DDX1: variants seen among roughly 807,000 people sequenced by gnomAD.
DDX1 encodes ATP-dependent RNA helicase DDX1.
Under a neutral mutation model 108.7 loss-of-function variants are expected in DDX1, and 28 were observed. The ratio of observed to expected loss-of-function variants is 0.26; its 90% CI spans 0.19 to 0.35. The LOEUF is 0.35. Ranked by LOEUF, DDX1 falls within the 10% of genes least tolerant of loss-of-function variation. The pLI is 1.00. For missense variants in DDX1, 710 were observed against 884.5 expected (o/e 0.80, Z 2.50); for synonymous variants, 295 against 288.9 (o/e 1.02, Z -0.21).
At position 15,630,866 on chromosome 2, in the gene DDX1, A is replaced by G. The variant is rs576509752; in HGVS notation, c.2183A>G (p.His728Arg). The G allele has an allele frequency of 2.5e-6, 4 of 1,614,162 alleles. No homozygotes were observed. The highest frequency in any genetic ancestry group is 1.3e-5 in the African/African-American group (1 of 75,066). Residue 728 changes from histidine to arginine, a missense_variant, in exon 26 of 26, where the codon CAT (histidine) becomes CGT (arginine). Physicochemically the swap from His to Arg is conservative, Grantham distance 29. Transcript: ENST00000233084. Reference protein sequence around the residue: ...LEKEAQTSFLHLGYLPNQLFR... With the variant: ...LEKEAQTSFLRLGYLPNQLFR... Reference sequence around the variant, plus strand: ...AAGGAGGCGCAGACATCTTTCCTGCATCTTGGCTACCTTCCTAACCAGCTG... The same window carrying G: ...AAGGAGGCGCAGACATCTTTCCTGCGTCTTGGCTACCTTCCTAACCAGCTG...
intron 3 of DDX1, 66 bp from the exon 4 acceptor site, chr2:15,596,668 G>A: frequency 7.7e-7 from 1 of 1,307,052 alleles, no homozygotes; most frequent in Non-Finnish European, 1.1e-6. Context: ...TACATACTAT[G>A]GTGTTAGTTT....
chr2:15,618,882 C>G (rs1339329363), intron 16 of DDX1, among the ~76,000 whole-genome samples: 1 of 152,246 alleles, frequency 6.6e-6, no homozygotes, highest in Non-Finnish European at 1.5e-5. Context: ...ACCCAGCTGG[C>G]CCAAGCTTGA....
At chr2:15,629,926 G>T in intron 24 of DDX1, 64 bp from the exon 25 acceptor site, 9 of 1,449,164 alleles carry the variant, frequency 6.2e-6, no homozygotes, top group South Asian at 1.3e-5. Flanking sequence ...TTTATTTAAT[G>T]ATGATAAAAT....
chr2:15,611,839 T>C (rs1665770380), intron 13 of DDX1, among the ~76,000 whole-genome samples: 1 of 88,830 alleles, frequency 1.1e-5, no homozygotes, highest in African/African-American at 5.7e-5. Context: ...GCAGAGGGGC[T>C]CCTCACTTCC....
chr2:15,623,664 C>T (rs41264163), intron 19 of DDX1, 82 bp downstream of exon 19: 215,178 of 1,167,364 alleles, frequency 0.18, 22,360 homozygotes, highest in African/African-American at 0.41. Flanking sequence ...CAATCTAGAA[C>T]ACATGCACAG....
intron 5 of DDX1, among the ~76,000 whole-genome samples, chr2:15,598,033 C>T (rs1665529549): frequency 1.3e-5 from 2 of 152,068 alleles, no homozygotes; most frequent in Non-Finnish European, 2.9e-5. Flanking sequence ...ACCGCAGTTT[C>T]TTCATCTTTA....
chr2:15,603,954 A>G, intron 9 of DDX1, 64 bp downstream of exon 9: 2 of 1,016,406 alleles, frequency 2.0e-6, no homozygotes. Context: ...TTAATCACTC[A>G]TGACAGAATG....
intron 6 of DDX1, among the ~76,000 whole-genome samples, chr2:15,600,051 A>T (rs1254218473): frequency 6.9e-6 from 1 of 145,886 alleles, no homozygotes; most frequent in African/African-American, 2.7e-5. Flanking sequence ...AATAAATTCC[A>T]TGTGTATTTA....
chr2:15,611,437 C>G (rs1665752451), intron 13 of DDX1, among the ~76,000 whole-genome samples: 1 of 148,650 alleles, frequency 6.7e-6, no homozygotes, highest in African/African-American at 2.5e-5. Flanking sequence ...GGCAGAGGGG[C>G]TCCTCACCTC....
At chr2:15,604,399 A>G (rs1228126038) in intron 9 of DDX1, 38 bp from the exon 10 acceptor site, 1 of 1,307,608 alleles carries the variant, frequency 7.6e-7, no homozygotes, top group Admixed American at 1.8e-5. Flanking sequence ...TTAAGAATTT[A>G]CTTTCTATTA....
intron 7 of DDX1, among the ~76,000 whole-genome samples, 163 bp downstream of exon 7, chr2:15,602,794 A>G (rs1256813253): frequency 6.6e-6 from 1 of 152,050 alleles, no homozygotes; most frequent in African/African-American, 2.4e-5. Flanking sequence ...GCTCACTGCA[A>G]CCTCCACCTC....
intron 18 of DDX1, among the ~76,000 whole-genome samples, chr2:15,623,116 A>G (rs1046046841): frequency 1.3e-5 from 2 of 152,140 alleles, no homozygotes; most frequent in African/African-American, 4.8e-5. Context: ...GAGAGATAAC[A>G]GTTTTGCTGT....
chr2:15,615,759 A>G (rs988292782), intron 14 of DDX1, among the ~76,000 whole-genome samples: 1 of 152,102 alleles, frequency 6.6e-6, no homozygotes, highest in African/African-American at 2.4e-5. Context: ...AAAAGAATGG[A>G]AGTGTTGTTT....
chr2:15,603,662 G>C (rs1230767305), intron 8 of DDX1, 152 bp from the exon 9 acceptor site: 1 of 617,062 alleles, frequency 1.6e-6, no homozygotes, highest in African/African-American at 1.9e-5. Context: ...CCTAAGCACT[G>C]TTTAGTTTTT....
intron 4 of DDX1, 24 bp downstream of exon 4, chr2:15,596,787 T>G (rs889765383): frequency 3.2e-6 from 5 of 1,585,410 alleles, no homozygotes; most frequent in Non-Finnish European, 3.5e-6. Flanking sequence ...TATATTTACT[T>G]TCTCTCTAAA....
intron 10 of DDX1, 23 bp from the exon 11 acceptor site, chr2:15,605,927 C>G (rs776749178): frequency 3.4e-6 from 5 of 1,468,088 alleles, no homozygotes; most frequent in African/African-American, 1.5e-5. Flanking sequence ...GTTTTAATCT[C>G]TCTCTCTCTC....
chr2:15,628,189 G>GT (rs2148750415), intron 20 of DDX1, among the ~76,000 whole-genome samples: 1 of 152,190 alleles, frequency 6.6e-6, no homozygotes, highest in African/African-American at 2.4e-5. Context: ...TTTAGCAATA[G>GT]TTTAATATCT....
rs1344764437 is a variant in DDX1, at chr2:15,618,184, G to A, written c.1120G>A (p.Gly374Arg). ...VRFLVLDEAD[G>R]LLSQGYSDFI... Reference sequence around the variant, plus strand: ...TTATTCTTTGTTTCTCATGCAGGATGGGCTTCTTTCTCAAGGTTATTCTGA... The same window carrying A: ...TTATTCTTTGTTTCTCATGCAGGATAGGCTTCTTTCTCAAGGTTATTCTGA... Residue 374 changes from glycine (G) to arginine (R), a missense_variant, in exon 16 of 26, where the codon GGG becomes AGG. Coordinates refer to ENST00000233084, the MANE Select transcript of DDX1 (RefSeq NM_004939.3). The A allele has an allele frequency of 6.4e-7, 1 of 1,567,066 alleles. No individual in the cohort carries two copies. The highest frequency in any genetic ancestry group is 2.3e-5 in the East Asian group (1 of 44,432).
intron 13 of DDX1, 51 bp downstream of exon 13, chr2:15,607,364 T>C (rs1665680560): frequency 1.3e-6 from 2 of 1,564,080 alleles, no homozygotes; most frequent in African/African-American, 1.4e-5. Context: ...GTTTGAAGTT[T>C]TTTGGAAGAA....
Sources: gnomAD v4.1 joint callset for allele counts (sites outside exome capture counted in the v4.1 genomes callset) on GRCh38, gnomAD v4.1.1 for gene constraint, MANE v1.5 for transcripts, NCBI Gene and HGNC (gene_info 2026-07-23, HGNC 2026-07-21) for gene names.